Variants in TTC7B observed in about 807,000 individuals in gnomAD.
TTC7B encodes the protein tetratricopeptide repeat domain 7B.
A neutral mutation model predicts 106.8 loss-of-function variants in TTC7B; 28 were observed. That is an observed-to-expected ratio of 0.26 (90% CI 0.19 to 0.36). TTC7B has a LOEUF of 0.36. Ranked by LOEUF, TTC7B falls within the 10% of genes least tolerant of loss-of-function variation. TTC7B has a pLI of 1.00. For synonymous variants in TTC7B, 405 were observed against 430.6 expected (o/e 0.94, Z 0.74); for missense variants, 862 against 1,076.4 (o/e 0.80, Z 2.79).
intron 1 of TTC7B, among the ~76,000 whole-genome samples, chr14:90,793,922 C>G (rs755525914): frequency 6.9e-6 from 1 of 145,704 alleles, no homozygotes; most frequent in Non-Finnish European, 1.5e-5. Flanking sequence ...TTGTTTTCTT[C>G]GAAACAGTCT....
At chr14:90,693,011 G>A (rs1014532877) in intron 6 of TTC7B, among the ~76,000 whole-genome samples, 4 of 151,740 alleles carry the variant, frequency 2.6e-5, no homozygotes, top group African/African-American at 9.7e-5. Flanking sequence ...TGAGTTGTAC[G>A]TCCACCTCTT....
chr14:90,657,380 G>T lies in TTC7B; in HGVS notation c.1237-102C>A. On this transcript the variant is annotated intron_variant, in intron 10 of 19. Coordinates refer to ENST00000328459, the MANE Select transcript of TTC7B (RefSeq NM_001010854.2). The surrounding 1 kb of genome is among the most constrained non-coding windows in gnomAD (Gnocchi z 4.2). ...TTTTGGTCAGGGTGACCTCCTCGTG[G>T]GCTTGTCCAACTTTAAGCCCAAGCA... 9.0e-7 allele frequency: 1 copy of T among 1,107,704 alleles called. No individual in the cohort carries two copies. The highest frequency in any genetic ancestry group is 1.5e-5 in the African/African-American group (1 of 64,888). The allele number at this position is 1,107,704 out of a possible 1,614,324, so 68.6% of individuals were successfully genotyped here. A position where few individuals can be genotyped will look rare whatever the true frequency, so the allele number is the denominator to read the frequency against.
At chr14:90,756,389 T>G (rs1322993309) in intron 3 of TTC7B, among the ~76,000 whole-genome samples, 5 of 149,312 alleles carry the variant, frequency 3.3e-5, no homozygotes, top group African/African-American at 1.3e-4. Flanking sequence ...TTTTTGTTTT[T>G]TTTTTTTGTT....
chr14:90,766,709 C>A, intron 3 of TTC7B: 1 of 1,498,252 alleles, frequency 6.7e-7, no homozygotes, highest in Non-Finnish European at 9.3e-7. Flanking sequence ...GGAGAACTCA[C>A]TGAGGATGAG....
chr14:90,745,895 G>GT (rs1407133962), intron 3 of TTC7B, among the ~76,000 whole-genome samples: 1 of 151,598 alleles, frequency 6.6e-6, no homozygotes, highest in Admixed American at 6.6e-5. Context: ...TAGAGATGGG[G>GT]TTTCACCATG....
intron 19 of TTC7B, among the ~76,000 whole-genome samples, chr14:90,543,434 A>C (rs1331478126): frequency 2.0e-5 from 3 of 152,176 alleles, no homozygotes; most frequent in Non-Finnish European, 4.4e-5. Flanking sequence ...GAATTATTAC[A>C]TGAATCAGGG....
At chr14:90,639,244 C>T (rs1885066840) in intron 15 of TTC7B, among the ~76,000 whole-genome samples, 1 of 152,128 alleles carries the variant, frequency 6.6e-6, no homozygotes. Context: ...TATCAAAAGA[C>T]ATCATGAAGA....
chr14:90,706,638 T>C (rs899547989), intron 5 of TTC7B, among the ~76,000 whole-genome samples: 2 of 152,232 alleles, frequency 1.3e-5, no homozygotes, highest in Non-Finnish European at 2.9e-5. Flanking sequence ...CTTCTTGAAA[T>C]TCAAACTATC....
chr14:90,544,263 T>A (rs929539857), intron 19 of TTC7B, among the ~76,000 whole-genome samples: 3 of 152,344 alleles, frequency 2.0e-5, no homozygotes, highest in Non-Finnish European at 4.4e-5. Context: ...ACAACAGAAA[T>A]ACCCGATGTT....
intron 9 of TTC7B, among the ~76,000 whole-genome samples, chr14:90,666,029 C>T (rs1886396313): frequency 2.6e-5 from 4 of 152,182 alleles, no homozygotes; most frequent in Admixed American, 2.6e-4. Context: ...TTATCTGATC[C>T]CATTCTTACT....
At chr14:90,549,966 A>C (rs916142240) in intron 19 of TTC7B, among the ~76,000 whole-genome samples, 11 of 152,118 alleles carry the variant, frequency 7.2e-5, no homozygotes, top group Admixed American at 2.0e-4. Flanking sequence ...AGACTGATGG[A>C]ACAGACTCGC....
At chr14:90,672,777 T>C (rs1886680735) in intron 9 of TTC7B, among the ~76,000 whole-genome samples, 1 of 152,242 alleles carries the variant, frequency 6.6e-6, no homozygotes, top group African/African-American at 2.4e-5. Flanking sequence ...GATCTTTTTG[T>C]ATCCTTTGTT....
rs1305674542 is a variant in TTC7B, at chr14:90,536,158, A to G, written c.*5210T>C. 6.5e-6 allele frequency: 1 copy of G among 154,914 alleles called. No individual in the cohort carries two copies. Among genetic ancestry groups the G allele is most frequent in the African/African-American group, 2.4e-5 (1 of 41,460 alleles). The allele number at this position is 154,914 out of a possible 1,614,324, so 9.6% of individuals were successfully genotyped here. A position where few individuals can be genotyped will look rare whatever the true frequency, so the allele number is the denominator to read the frequency against. On this transcript the variant is annotated 3_prime_UTR_variant, in exon 20 of 20. Transcript: ENST00000328459. ...GGCCACCCTGACGGGGTCTCCAGGC[A>G]TTGAGAGAGCCCACCCACCTCCTCC...
chr14:90,701,183 A>G (rs529206683), intron 5 of TTC7B, among the ~76,000 whole-genome samples: 2 of 152,212 alleles, frequency 1.3e-5, no homozygotes, highest in East Asian at 3.9e-4. Flanking sequence ...CCGAGATGAG[A>G]ACAAGCAGGC....
chr14:90,563,534 G>A (rs1055399204), intron 19 of TTC7B, among the ~76,000 whole-genome samples: 1 of 152,218 alleles, frequency 6.6e-6, no homozygotes, highest in Non-Finnish European at 1.5e-5. Flanking sequence ...GATGGCTGCT[G>A]ACTGATCAGG....
At chr14:90,681,876 TTGTTG>T (rs1157209437) in intron 7 of TTC7B, among the ~76,000 whole-genome samples, 1 of 54,200 alleles carries the variant, frequency 1.8e-5, no homozygotes, top group Non-Finnish European at 3.9e-5. Flanking sequence ...GTTGTTGTTG[TTGTTG>T]TGTGTGTGTG....
At position 90,742,252 on chromosome 14, in the gene TTC7B, TTTC is replaced by T. The variant is rs902615802; in HGVS notation, c.576+2537_576+2539del. Among the ~76,000 whole-genome samples, 3 of 152,086 alleles carry T rather than the reference TTTC, an allele frequency of 2.0e-5. No individual in the cohort carries two copies. Among genetic ancestry groups the T allele is most frequent in the Non-Finnish European group, 4.4e-5 (3 of 68,012 alleles). ...GTTCGCTTCTTTCTTTCTTCCTTTC[TTTC>T]TTTTTTTTCTTTTGTTTCTCTCTCT... is the stretch of plus-strand genomic sequence containing the variant. On this transcript the variant is annotated intron_variant, in intron 4 of 19. Transcript: ENST00000328459. This position sits in a 1 kb window ranked among gnomAD's most constrained non-coding sequence, Gnocchi z 4.1.
Position 90,657,228 on chromosome 14 carries a change from G to T in TTC7B, c.1287C>A (p.Asp429Glu), listed in dbSNP as rs61747217. 1.3e-5 allele frequency: 21 copies of T among 1,614,136 alleles called. No individual in the cohort carries two copies. Among genetic ancestry groups the T allele is most frequent in the Non-Finnish European group, 1.8e-5 (21 of 1,180,038 alleles). The part of the protein sequence containing the change: ...VLKECIRLKP[D>E]DATIPLLAAK... Reference sequence around the variant, plus strand: ...CAGCGAGGAGAGGGATGGTGGCATCGTCTGGCTTCAGGCGGATACACTCTT... The same window carrying T: ...CAGCGAGGAGAGGGATGGTGGCATCTTCTGGCTTCAGGCGGATACACTCTT... The change falls in exon 11 of 20, where the codon GAC becomes GAA. Residue 429 changes from aspartate (D) to glutamate (E), a missense_variant. By Grantham distance (45) the Asp-to-Glu change is conservative. Transcript: ENST00000328459. This position sits in a 1 kb window ranked among gnomAD's most constrained non-coding sequence, Gnocchi z 4.2.
intron 8 of TTC7B, 49 bp downstream of exon 8, chr14:90,680,423 G>T: frequency 1.4e-6 from 2 of 1,430,980 alleles, no homozygotes; most frequent in Non-Finnish European, 2.0e-6. Context: ...ATCAAAAAAG[G>T]GTCTACAGGG....
Sources: allele counts gnomAD v4.1 joint callset (sites outside exome capture counted in the v4.1 genomes callset), GRCh38; gene constraint gnomAD v4.1.1; non-coding constraint Gnocchi (gnomAD v3.1); transcripts MANE v1.5; gene names NCBI Gene and HGNC (gene_info 2026-07-23, HGNC 2026-07-21).